KLHDC1: variants seen among roughly 807,000 people sequenced by gnomAD.
KLHDC1 encodes the protein kelch domain containing 1, also known as kelch domain-containing protein 1.
A neutral mutation model predicts 68.3 loss-of-function variants in KLHDC1; 53 were observed. That is an observed-to-expected ratio of 0.78 (90% CI 0.62 to 0.98). KLHDC1 has a LOEUF of 0.98. KLHDC1 is among the 50% of genes least tolerant of loss of function. The probability of loss-of-function intolerance (pLI) is 0.00; values close to 1 mark genes in which losing one functional copy is unlikely to be tolerated. For missense variants in KLHDC1, 470 were observed against 492.3 expected, an observed-to-expected ratio of 0.95 and a Z score of 0.43; for synonymous variants, 148 against 159.0, an observed-to-expected ratio of 0.93 and a Z score of 0.52.
chr14:49,709,943 A>G (rs191089387), intron 3 of KLHDC1, 117 bp downstream of exon 3: 26 of 574,152 alleles, frequency 4.5e-5, no homozygotes, highest in Non-Finnish European at 7.4e-5. Flanking sequence ...TAAACTTGTA[A>G]TTAAATATTT....
intron 1 of KLHDC1, among the ~76,000 whole-genome samples, chr14:49,707,936 A>G (rs1888100779): frequency 6.6e-6 from 1 of 150,870 alleles, no homozygotes; most frequent in African/African-American, 2.4e-5. Context: ...GATTACAGGA[A>G]TGAGCCACTA....
At chr14:49,729,082 G>A (rs1471914606) in intron 7 of KLHDC1, 73 bp downstream of exon 7, 1 of 991,766 alleles carries the variant, frequency 1.0e-6, no homozygotes, top group African/African-American at 1.6e-5. Context: ...TGATTTCGTG[G>A]AATAATTGAA....
chr14:49,694,877 A>G (rs8017160), intron 1 of KLHDC1, among the ~76,000 whole-genome samples: 96,865 of 152,022 alleles, frequency 0.64, 32,240 homozygotes, highest in South Asian at 0.89. Context: ...AAAAAACTGT[A>G]CATACCTAAT....
chr14:49,703,267 C>T (rs1441909457), intron 1 of KLHDC1, among the ~76,000 whole-genome samples: 1 of 151,806 alleles, frequency 6.6e-6, no homozygotes, highest in Non-Finnish European at 1.5e-5. Context: ...TTTCTTTTCT[C>T]TATAATTTTA....
intron 11 of KLHDC1, among the ~76,000 whole-genome samples, chr14:49,743,399 C>CA (rs956715386): frequency 0.069 from 4,699 of 68,330 alleles, 287 homozygotes; most frequent in African/African-American, 0.2. Context: ...GACTCCATCT[C>CA]AAAAAAAAAA....
intron 4 of KLHDC1, among the ~76,000 whole-genome samples, chr14:49,713,721 A>T (rs1009884977): frequency 6.7e-6 from 1 of 148,400 alleles, no homozygotes; most frequent in East Asian, 2.0e-4. Flanking sequence ...CCCCATCTTT[A>T]CTAAAAAGAC....
rs1331757236 is a variant in KLHDC1 at position 49,723,914 on chromosome 14, G to C, written c.445G>C (p.Glu149Gln). The C allele has an allele frequency of 6.2e-7, 1 of 1,606,126 alleles. No homozygotes were observed. Among genetic ancestry groups the C allele is most frequent in the South Asian group, 1.1e-5 (1 of 90,160 alleles). The change falls in exon 5 of 13, where the codon GAA (glutamate) becomes CAA (glutamine). Residue 149 changes from glutamate (E) to glutamine (Q), a missense_variant. Physicochemically the swap from Glu to Gln is conservative, Grantham distance 29. Transcript: ENST00000359332. Reference sequence around the variant, plus strand: ...TGGTTATGGGTGTAGGAGACACAGTGAACTCCAAGACTGTTTTGATGTTCA... The same window carrying C: ...TGGTTATGGGTGTAGGAGACACAGTCAACTCCAAGACTGTTTTGATGTTCA... The part of the protein sequence containing the change: ...FGGYGCRRHS[E>Q]LQDCFDVHDA...
chr14:49,723,806 T>C (rs953063184), intron 4 of KLHDC1, 68 bp from the exon 5 acceptor site: 1 of 885,080 alleles, frequency 1.1e-6, no homozygotes, highest in Non-Finnish European at 1.8e-6. Flanking sequence ...AGAGGATCTT[T>C]TTCAGCTTTC....
At chr14:49,701,545 G>C (rs929114513) in intron 1 of KLHDC1, among the ~76,000 whole-genome samples, 26 of 152,066 alleles carry the variant, frequency 1.7e-4, no homozygotes, top group African/African-American at 6.0e-4. Context: ...TGTAATCCCA[G>C]CTACTCAGGA....
intron 1 of KLHDC1, among the ~76,000 whole-genome samples, chr14:49,707,338 C>CTTTTT (rs1191432812): frequency 8.1e-5 from 5 of 61,774 alleles, no homozygotes; most frequent in African/African-American, 1.3e-4. Flanking sequence ...ACAAGATATT[C>CTTTTT]TTTTTTTTTT....
Position 49,709,824 on chromosome 14 carries a change from C to A in KLHDC1, c.283C>A (p.Arg95=). ...ATATGATGACAAAGGATACAGCAAT[C>A]GAGTAATAATTTCTTTAATTCAAGA... is the stretch of plus-strand genomic sequence containing the variant. ...GGYDDKGYSN[R]LYFVNLRTRD... is the part of the protein sequence containing the mutation. The change falls in exon 3 of 13, where the codon CGA becomes AGA. Residue 95 remains arginine (R), a splice_region_variant and synonymous_variant. Coordinates refer to ENST00000359332, the MANE Select transcript of KLHDC1 (RefSeq NM_172193.3). 1 of 1,501,676 alleles carries A rather than the reference C, an allele frequency of 6.7e-7. No homozygotes were observed. Among genetic ancestry groups the A allele is most frequent in the Non-Finnish European group, 9.1e-7 (1 of 1,101,634 alleles). 93.0% of individuals were successfully genotyped at this position (1,501,676 alleles called of 1,614,324 possible).
intron 4 of KLHDC1, among the ~76,000 whole-genome samples, chr14:49,714,362 A>G (rs1160721227): frequency 6.6e-6 from 1 of 151,888 alleles, no homozygotes; most frequent in East Asian, 2.0e-4. Context: ...AATCCCAGCT[A>G]CTTAGGAGGA....
chr14:49,730,231 T>G (rs1197554238), intron 8 of KLHDC1, among the ~76,000 whole-genome samples: 3 of 149,994 alleles, frequency 2.0e-5, no homozygotes, highest in Admixed American at 6.6e-5. Flanking sequence ...GGTTTTTTTT[T>G]TTTTTTTTTT....
intron 1 of KLHDC1, among the ~76,000 whole-genome samples, chr14:49,699,768 C>G (rs1440727423): frequency 1.3e-5 from 2 of 152,074 alleles, no homozygotes; most frequent in African/African-American, 4.8e-5. Context: ...GTGATAATAT[C>G]AAAAAAGTAA....
At chr14:49,713,819 TATATATATATATATA>T (rs1566602765) in intron 4 of KLHDC1, among the ~76,000 whole-genome samples, 85 of 2,810 alleles carry the variant, frequency 0.03, 4 homozygotes, top group Non-Finnish European at 0.1. Context: ...TATATATATA[TATATATATATATATA>T]TATATATATA....
intron 12 of KLHDC1, among the ~76,000 whole-genome samples, chr14:49,748,359 G>A (rs1270044623): frequency 6.6e-6 from 1 of 152,172 alleles, no homozygotes; most frequent in Non-Finnish European, 1.5e-5. Flanking sequence ...GGGAAAATGT[G>A]TACTATTTTC....
chr14:49,694,042 G>A (rs1227518654), intron 1 of KLHDC1, among the ~76,000 whole-genome samples: 1 of 152,048 alleles, frequency 6.6e-6, no homozygotes, highest in East Asian at 1.9e-4. Flanking sequence ...ATTAGCCACT[G>A]TGCCTGGCTT....
chr14:49,749,677 CAAA>C (rs1191978580), intron 12 of KLHDC1, among the ~76,000 whole-genome samples: 2 of 53,778 alleles, frequency 3.7e-5, no homozygotes, highest in Non-Finnish European at 4.0e-5. Flanking sequence ...GACTCCGTCT[CAAA>C]AAAAAAAAAA....
chr14:49,738,220 T>A (rs1247484978), intron 10 of KLHDC1, among the ~76,000 whole-genome samples: 1 of 152,106 alleles, frequency 6.6e-6, no homozygotes, highest in African/African-American at 2.4e-5. Context: ...AGACATGAAC[T>A]ATCAGACCAC....
Sources: gnomAD v4.1 joint callset for allele counts (sites outside exome capture counted in the v4.1 genomes callset) on GRCh38, gnomAD v4.1.1 for gene constraint, MANE v1.5 for transcripts, NCBI Gene and HGNC (gene_info 2026-07-23, HGNC 2026-07-21) for gene names.